Variants in XKR9 observed in about 807,000 individuals in gnomAD.
The protein encoded by XKR9 is XK related 9.
A neutral mutation model predicts 32.0 loss-of-function variants in XKR9; 32 were observed. That is an observed-to-expected ratio of 1.00 (90% CI 0.76 to 1.34). The LOEUF is 1.34. XKR9 is among the 40% of genes most tolerant of loss of function. The pLI is 0.00. For synonymous variants in XKR9, 168 were observed against 143.4 expected, an observed-to-expected ratio of 1.17 and a Z score of -1.22; for missense variants, 546 against 429.7, an observed-to-expected ratio of 1.27 and a Z score of -2.39.
At chr8:70,752,665 G>A (rs1177478018) in intron 2 of XKR9, among the ~76,000 whole-genome samples, 1 of 152,134 alleles carries the variant, frequency 6.6e-6, no homozygotes, top group Non-Finnish European at 1.5e-5. Context: ...CCATAGCAAA[G>A]TCCAATTTAT....
chr8:71,030,827 A>G, the XKR9 span, among the ~76,000 whole-genome samples: 4 of 152,304 alleles, frequency 2.6e-5, no homozygotes, highest in East Asian at 7.7e-4. Context: ...TGAGGTTCAC[A>G]CTTTAGAATC....
chr8:70,713,179 G>A (rs1267176630), intron 4 of XKR9, among the ~76,000 whole-genome samples: 1 of 152,080 alleles, frequency 6.6e-6, no homozygotes, highest in Non-Finnish European at 1.5e-5. Flanking sequence ...AGATTAGACA[G>A]AATTAAATAG....
chr8:70,927,204 C>T, the XKR9 span, among the ~76,000 whole-genome samples: 1 of 151,824 alleles, frequency 6.6e-6, no homozygotes, highest in African/African-American at 2.4e-5. Context: ...AGTGTAAATG[C>T]TCAGTCTAGG....
At chr8:70,756,108 C>G (rs1302864584) in intron 2 of XKR9, among the ~76,000 whole-genome samples, 1 of 152,040 alleles carries the variant, frequency 6.6e-6, no homozygotes, top group Non-Finnish European at 1.5e-5. Context: ...TACCCCCGTA[C>G]CATTTGTTGA....
At chr8:70,825,651 C>T in the XKR9 span, among the ~76,000 whole-genome samples, 1 of 152,088 alleles carries the variant, frequency 6.6e-6, no homozygotes, top group Non-Finnish European at 1.5e-5. Context: ...TGAAGAGCTT[C>T]TTTTAACTTG....
intron 3 of XKR9, among the ~76,000 whole-genome samples, chr8:70,705,210 T>C (rs1401228930): frequency 7.0e-6 from 1 of 143,360 alleles, no homozygotes; most frequent in African/African-American, 2.5e-5. Flanking sequence ...ATTACTTCAG[T>C]AAATATTTCT....
rs1807466753 is a variant in XKR9 at position 70,772,479 on chromosome 8, T to A, written n.353-16860T>A. Among the ~76,000 whole-genome samples the A allele has an allele frequency of 2.6e-5, 4 of 152,298 alleles. No homozygotes were observed. In the South Asian group the frequency reaches 8.3e-4, roughly 32 times the overall value. Reference sequence around the variant, plus strand: ...AGGAGCAGTTGGGGGAGAAGTAGATTTCTTGGCAATCCAATCTAGTTTAAA... The same window carrying A: ...AGGAGCAGTTGGGGGAGAAGTAGATATCTTGGCAATCCAATCTAGTTTAAA... On this transcript the variant is annotated intron_variant and non_coding_transcript_variant, in intron 2 of 3. Transcript: ENST00000520273.
At chr8:70,833,313 CAAAATGT>C in the XKR9 span, among the ~76,000 whole-genome samples, 2 of 152,118 alleles carry the variant, frequency 1.3e-5, no homozygotes, top group African/African-American at 4.8e-5. Flanking sequence ...GAACAAATAA[CAAAATGT>C]CATAGCAATC....
At chr8:70,933,444 T>G in the XKR9 span, among the ~76,000 whole-genome samples, 3 of 151,980 alleles carry the variant, frequency 2.0e-5, no homozygotes, top group Non-Finnish European at 4.4e-5. Flanking sequence ...CAGTTTTTTT[T>G]TTTTTGTCTT....
the XKR9 span, among the ~76,000 whole-genome samples, chr8:70,943,768 TAGAA>T: frequency 6.6e-6 from 1 of 152,220 alleles, no homozygotes; most frequent in African/African-American, 2.4e-5. Flanking sequence ...TGAAAACGTT[TAGAA>T]ATCAGGAACT....
At chr8:70,739,874 A>C (rs972763313), downstream of XKR9, among the ~76,000 whole-genome samples, 1 of 152,132 alleles carries the variant, frequency 6.6e-6, no homozygotes, top group Non-Finnish European at 1.5e-5. Context: ...TGGGTAACCC[A>C]ACCTTTCTCT....
chr8:70,930,618 G>A, the XKR9 span, among the ~76,000 whole-genome samples: 1 of 152,184 alleles, frequency 6.6e-6, no homozygotes, highest in Admixed American at 6.5e-5. Flanking sequence ...AGTCTTGCCT[G>A]AACATATTTC....
downstream of XKR9, among the ~76,000 whole-genome samples, chr8:70,791,659 C>A (rs2130271770): frequency 6.6e-6 from 1 of 152,056 alleles, no homozygotes; most frequent in Middle Eastern, 3.4e-3. Context: ...TGGAGTTATG[C>A]AGCAAGAAAG....
the XKR9 span, among the ~76,000 whole-genome samples, chr8:70,895,123 C>T: frequency 1.3e-5 from 2 of 152,086 alleles, no homozygotes; most frequent in Non-Finnish European, 1.5e-5. Flanking sequence ...CTCTAGGTGT[C>T]CAATGTGTTG....
the XKR9 span, among the ~76,000 whole-genome samples, chr8:71,042,560 G>A: frequency 4.6e-5 from 7 of 152,194 alleles, no homozygotes; most frequent in Middle Eastern, 0.014. Flanking sequence ...TTTAAATGGC[G>A]TTTTGAATGT....
At chr8:70,719,167 C>T (rs1467103450) in intron 4 of XKR9, among the ~76,000 whole-genome samples, 2 of 150,172 alleles carry the variant, frequency 1.3e-5, no homozygotes, top group Non-Finnish European at 3.0e-5. Context: ...ATTTTTTTTT[C>T]TTGTAAATTT....
intron 1 of XKR9, among the ~76,000 whole-genome samples, chr8:70,669,851 A>G (rs1023421568): frequency 2.6e-5 from 4 of 151,772 alleles, no homozygotes; most frequent in Non-Finnish European, 4.4e-5. Context: ...TATTTTTAGT[A>G]GAGACCGGGT....
chr8:70,824,082 A>G, the XKR9 span, among the ~76,000 whole-genome samples: 1 of 152,128 alleles, frequency 6.6e-6, no homozygotes, highest in Non-Finnish European at 1.5e-5. Context: ...TACTTTCTGG[A>G]GTGGACTGGC....
chr8:70,686,022 A>G (rs980516142), intron 3 of XKR9, among the ~76,000 whole-genome samples: 2 of 151,872 alleles, frequency 1.3e-5, no homozygotes, highest in African/African-American at 4.8e-5. Flanking sequence ...AATTGATCCA[A>G]GTTTCTGACC....
Sources: gnomAD v4.1 joint callset for allele counts (sites outside exome capture counted in the v4.1 genomes callset) on GRCh38, gnomAD v4.1.1 for gene constraint, MANE v1.5 for transcripts, NCBI Gene and HGNC (gene_info 2026-07-23, HGNC 2026-07-21) for gene names.